The following CCDC192 variants were observed in gnomAD, a reference collection of about 807,000 sequenced individuals.
CCDC192 encodes the protein coiled-coil domain containing 192.
At position 127,747,176 on chromosome 5, in the gene CCDC192, T is replaced by C. The variant is rs368184256; in HGVS notation, c.115-7092T>C. On this transcript the variant is annotated intron_variant, in intron 2 of 6. Transcript: ENST00000514853. ...ATTGTGCAGGTTAGTTACATACGTA[T>C]ACATGTGCCATGCTGGTGTGCTGCA... 1.4e-3 allele frequency among the ~76,000 whole-genome samples: 208 copies of C among 152,126 alleles called. No individual in the cohort carries two copies. The Middle Eastern group carries it at 0.031, about 22-fold the overall frequency.
chr5:127,850,027 T>A (rs1750726810), intron 5 of CCDC192, among the ~76,000 whole-genome samples: 1 of 152,252 alleles, frequency 6.6e-6, no homozygotes, highest in African/African-American at 2.4e-5. Context: ...GCTAACTGAC[T>A]GTAAAGCAAT....
chr5:127,728,205 T>C (rs867176101), intron 2 of CCDC192, among the ~76,000 whole-genome samples: 1 of 151,972 alleles, frequency 6.6e-6, no homozygotes, highest in African/African-American at 2.4e-5. Context: ...CCCAATAAGA[T>C]ACTCCATGAA....
intron 2 of CCDC192, among the ~76,000 whole-genome samples, chr5:127,732,491 A>G (rs1752696787): frequency 6.6e-6 from 1 of 152,188 alleles, no homozygotes. Context: ...TCCCATTACT[A>G]GGTATATACC....
intron 3 of CCDC192, among the ~76,000 whole-genome samples, chr5:127,795,008 A>G (rs1423800086): frequency 6.6e-6 from 1 of 152,156 alleles, no homozygotes; most frequent in Non-Finnish European, 1.5e-5. Context: ...AATTTGATAA[A>G]TAGGCCGGAC....
At chr5:127,771,443 T>G (rs1330926351) in intron 3 of CCDC192, among the ~76,000 whole-genome samples, 1 of 152,168 alleles carries the variant, frequency 6.6e-6, no homozygotes, top group Non-Finnish European at 1.5e-5. Flanking sequence ...GAAGCAAAAG[T>G]ATGGGATGAT....
intron 2 of CCDC192, among the ~76,000 whole-genome samples, chr5:127,749,665 T>C (rs544080812): frequency 6.6e-6 from 1 of 152,258 alleles, no homozygotes; most frequent in South Asian, 2.1e-4. Flanking sequence ...TTTCTATTGA[T>C]TGGAATAGTT....
chr5:127,907,409 G>T (rs1231751558), intron 6 of CCDC192, among the ~76,000 whole-genome samples: 1 of 151,900 alleles, frequency 6.6e-6, no homozygotes, highest in Admixed American at 6.5e-5. Flanking sequence ...AAACAATTTT[G>T]CATATTACAA....
intron 6 of CCDC192, among the ~76,000 whole-genome samples, chr5:127,924,427 C>G (rs1341736749): frequency 6.6e-6 from 1 of 152,144 alleles, no homozygotes; most frequent in Non-Finnish European, 1.5e-5. Context: ...TTAATGGTAA[C>G]CGTGCTGCCA....
chr5:127,803,506 C>T (rs753664428), intron 5 of CCDC192, among the ~76,000 whole-genome samples: 2 of 152,150 alleles, frequency 1.3e-5, no homozygotes, highest in East Asian at 1.9e-4. Context: ...CTTGTTAGGG[C>T]GATTTGAGTC....
intron 2 of CCDC192, among the ~76,000 whole-genome samples, chr5:127,748,066 A>T (rs1753888870): frequency 8.4e-6 from 1 of 119,286 alleles, no homozygotes. Flanking sequence ...TTGCCTGTTC[A>T]CTCTGATGGT....
intron 6 of CCDC192, among the ~76,000 whole-genome samples, chr5:127,909,486 C>T (rs1414746051): frequency 1.3e-5 from 2 of 151,594 alleles, no homozygotes; most frequent in Admixed American, 6.6e-5. Context: ...AGGAAGAAAA[C>T]AGACTTTTCC....
chr5:127,932,356 C>T (rs1367375818), intron 6 of CCDC192, among the ~76,000 whole-genome samples: 1 of 151,936 alleles, frequency 6.6e-6, no homozygotes, highest in East Asian at 2.0e-4. Context: ...AGGCATGCGC[C>T]ACCACGCCCG....
rs1580787775 is a variant in CCDC192 at position 127,879,345 on chromosome 5, C to T, written c.535+3684C>T. On this transcript the variant is annotated intron_variant, in intron 6 of 6. Coordinates refer to ENST00000514853, the MANE Select transcript of CCDC192 (RefSeq NM_001317938.2). ...AAAACAAGCAATGGGGAAAGGATTC[C>T]CTATTTAATAAATGGTGCTGGGAAA... Among the ~76,000 whole-genome samples the T allele has an allele frequency of 4.9e-5, 7 of 143,998 alleles. No individual in the cohort carries two copies. In the South Asian group the frequency reaches 1.4e-3, roughly 30 times the overall value. The allele number at this position is 143,998 out of a possible 152,430, so 94.5% of individuals were successfully genotyped here. A position where few individuals can be genotyped will look rare whatever the true frequency, so the allele number is the denominator to read the frequency against.
intron 3 of CCDC192, among the ~76,000 whole-genome samples, chr5:127,773,098 A>G (rs1189669149): frequency 1.3e-5 from 2 of 152,168 alleles, no homozygotes; most frequent in Non-Finnish European, 2.9e-5. Context: ...GGAGAAAAAT[A>G]TAGTGCTATT....
rs191490337 is a variant in CCDC192, at chr5:127,798,592, G to A, written c.411+430G>A. Among the ~76,000 whole-genome samples the A allele has an allele frequency of 2.6e-5, 4 of 152,182 alleles. No individual in the cohort carries two copies. In the East Asian group the frequency reaches 7.7e-4, roughly 29 times the overall value. ...TCTTAAAACAAATTACTCAGATTCT[G>A]TTTCCTGCATGCCTAGGTTGGGGCC... On this transcript the variant is annotated intron_variant, in intron 5 of 6. Coordinates refer to ENST00000514853, the MANE Select transcript of CCDC192 (RefSeq NM_001317938.2).
At chr5:127,862,075 G>A (rs754908353) in intron 5 of CCDC192, among the ~76,000 whole-genome samples, 1 of 152,190 alleles carries the variant, frequency 6.6e-6, no homozygotes, top group Non-Finnish European at 1.5e-5. Flanking sequence ...AGCATTGAAT[G>A]ACTTGGTGCA....
intron 6 of CCDC192, among the ~76,000 whole-genome samples, chr5:127,885,279 T>C (rs193263872): frequency 2.0e-5 from 3 of 152,348 alleles, no homozygotes; most frequent in Non-Finnish European, 2.9e-5. Context: ...GGGCATGTAC[T>C]GCTTGGGAAT....
chr5:127,731,654 G>A (rs900439414), intron 2 of CCDC192, among the ~76,000 whole-genome samples: 14 of 152,200 alleles, frequency 9.2e-5, no homozygotes, highest in South Asian at 2.1e-4. Flanking sequence ...CATTGTACTC[G>A]TACAAAAACA....
chr5:127,842,336 A>C (rs1750327607), intron 5 of CCDC192, among the ~76,000 whole-genome samples: 1 of 152,200 alleles, frequency 6.6e-6, no homozygotes, highest in Admixed American at 6.5e-5. Context: ...TAGGAGCCTC[A>C]GCCTCGAAGT....
Sources: allele counts gnomAD v4.1 joint callset (sites outside exome capture counted in the v4.1 genomes callset), GRCh38; gene constraint gnomAD v4.1.1; transcripts MANE v1.5; gene names NCBI Gene and HGNC (gene_info 2026-07-23, HGNC 2026-07-21).